Variants in TOX observed in about 807,000 individuals in gnomAD.
TOX encodes the protein thymocyte selection associated high mobility group box, also known as thymocyte selection-associated high mobility group box protein TOX.
Under a neutral mutation model 53.7 loss-of-function variants are expected in TOX, and 11 were observed. That is an observed-to-expected ratio of 0.20 (90% CI 0.13 to 0.34). The LOEUF is 0.34. TOX is among the 10% of genes least tolerant of loss of function. The pLI is 1.00. For missense variants in TOX, 570 were observed against 664.6 expected (o/e 0.86, Z 1.56); for synonymous variants, 225 against 245.3 (o/e 0.92, Z 0.77).
At chr8:58,959,753 A>T (rs1352777151) in intron 2 of TOX, among the ~76,000 whole-genome samples, 190 bp downstream of exon 2, 1 of 152,244 alleles carries the variant, frequency 6.6e-6, no homozygotes, top group Non-Finnish European at 1.5e-5. Flanking sequence ...AGTATCTTTC[A>T]ACAAATGCCA....
chr8:59,066,143 T>G lies in TOX; in HGVS notation c.102+52743A>C, dbSNP rs59393805. 1.5e-3 allele frequency among the ~76,000 whole-genome samples: 229 copies of G among 152,362 alleles called. 3 individuals carry two copies. The East Asian group carries it at 0.039, about 26-fold the overall frequency. On this transcript the variant is annotated intron_variant, in intron 1 of 8. Coordinates refer to ENST00000361421, the MANE Select transcript of TOX (RefSeq NM_014729.3). ...CTCTTCCTTCTTGGATATTGCTGAATGCTGGTCTTGTGAACAGTAAAAAGC... is the reference window on the plus strand; with the variant it reads ...CTCTTCCTTCTTGGATATTGCTGAAGGCTGGTCTTGTGAACAGTAAAAAGC...
intron 3 of TOX, among the ~76,000 whole-genome samples, chr8:58,910,187 G>A (rs182929721): frequency 6.6e-5 from 10 of 152,220 alleles, no homozygotes; most frequent in South Asian, 2.1e-4. Flanking sequence ...TATGCAAATC[G>A]TAAAAATATA....
chr8:58,973,764 G>A (rs180861218), intron 1 of TOX, among the ~76,000 whole-genome samples: 4 of 151,720 alleles, frequency 2.6e-5, no homozygotes, highest in African/African-American at 9.7e-5. Flanking sequence ...TATCACGAGG[G>A]ATACACAGTG....
intron 4 of TOX, among the ~76,000 whole-genome samples, chr8:58,846,667 T>C (rs1345438262): frequency 2.0e-5 from 3 of 152,158 alleles, no homozygotes; most frequent in Non-Finnish European, 4.4e-5. Context: ...TAACAAACTC[T>C]TAAAGGCAAA....
intron 3 of TOX, among the ~76,000 whole-genome samples, chr8:58,861,830 T>C (rs758985047): frequency 1.3e-5 from 2 of 152,148 alleles, no homozygotes; most frequent in African/African-American, 2.4e-5. Context: ...CTTGCAAAAA[T>C]AGAGATGTCA....
chr8:59,095,230 C>T (rs1804694996), intron 1 of TOX, among the ~76,000 whole-genome samples: 1 of 151,668 alleles, frequency 6.6e-6, no homozygotes, highest in Non-Finnish European at 1.5e-5. Context: ...GTAATATTCG[C>T]TCTAAAAGAG....
intron 6 of TOX, among the ~76,000 whole-genome samples, chr8:58,824,804 G>T (rs1038723310): frequency 3.3e-5 from 5 of 152,166 alleles, no homozygotes; most frequent in African/African-American, 9.7e-5. Flanking sequence ...CATTCTCTGA[G>T]CCTGGCATAG....
At chr8:59,105,826 G>T (rs1228333938) in intron 1 of TOX, among the ~76,000 whole-genome samples, 1 of 152,068 alleles carries the variant, frequency 6.6e-6, no homozygotes, top group Non-Finnish European at 1.5e-5. Context: ...TAAAATGAAA[G>T]CTTATGTATG....
intron 5 of TOX, among the ~76,000 whole-genome samples, chr8:58,835,196 T>C (rs1371696533): frequency 3.3e-5 from 5 of 152,166 alleles, no homozygotes; most frequent in Non-Finnish European, 7.4e-5. Flanking sequence ...CCTATTTTCA[T>C]TGAGAGACAA....
rs548537244 is a variant in TOX at position 58,879,599 on chromosome 8, A to G, written c.412-27794T>C. ...ATATGCCAAGAGCACTGAGCCATGT[A>G]ATCTAGCCATCTAATAAATTCTTTA... On this transcript the variant is annotated intron_variant, in intron 3 of 8. Transcript: ENST00000361421. Among the ~76,000 whole-genome samples, 15 of 152,342 alleles carry G rather than the reference A, an allele frequency of 9.8e-5. No homozygotes were observed. The East Asian group carries it at 2.9e-3, about 29-fold the overall frequency.
intron 1 of TOX, among the ~76,000 whole-genome samples, chr8:59,066,696 AAACTG>A (rs1804100165): frequency 6.6e-6 from 1 of 152,192 alleles, no homozygotes; most frequent in African/African-American, 2.4e-5. Flanking sequence ...GTGTAATATT[AAACTG>A]AACTGTAGTA....
At chr8:59,002,032 C>T (rs1425031033) in intron 1 of TOX, among the ~76,000 whole-genome samples, 1 of 142,046 alleles carries the variant, frequency 7.0e-6, no homozygotes, top group African/African-American at 2.7e-5. Flanking sequence ...TGGGGTGCAA[C>T]GGCACAATGT....
At chr8:58,847,690 A>T (rs1284425133) in intron 4 of TOX, among the ~76,000 whole-genome samples, 1 of 152,084 alleles carries the variant, frequency 6.6e-6, no homozygotes, top group Non-Finnish European at 1.5e-5. Context: ...ATGCAAAGAA[A>T]CCCACACATA....
At chr8:58,836,779 C>G (rs1361671856) in intron 5 of TOX, among the ~76,000 whole-genome samples, 1 of 152,192 alleles carries the variant, frequency 6.6e-6, no homozygotes, top group South Asian at 2.1e-4. Context: ...AAGTTTTATT[C>G]ATGGTAATTC....
intron 1 of TOX, among the ~76,000 whole-genome samples, chr8:59,095,566 C>A (rs997499121): frequency 1.3e-5 from 2 of 152,018 alleles, no homozygotes; most frequent in African/African-American, 4.8e-5. Context: ...ACCACCATGC[C>A]CGGCTAATTT....
At position 59,117,684 on chromosome 8, in the gene TOX, C is replaced by G. The variant is rs1480668278; in HGVS notation, c.102+1202G>C. Among the ~76,000 whole-genome samples the G allele has an allele frequency of 6.6e-6, 1 of 152,202 alleles. No homozygotes were observed. Among genetic ancestry groups the G allele is most frequent in the Non-Finnish European group, 1.5e-5 (1 of 68,026 alleles). On this transcript the variant is annotated intron_variant, in intron 1 of 8. Transcript: ENST00000361421. This position sits in a 1 kb window ranked among gnomAD's most constrained non-coding sequence, Gnocchi z 4.6. ...CGTTTGGTGATGACTCGCCACCAGG[C>G]AAATGTTGGGAGTCCCAACGATTTT...
intron 1 of TOX, among the ~76,000 whole-genome samples, chr8:59,081,638 A>G (rs1375621771): frequency 2.0e-5 from 3 of 152,220 alleles, no homozygotes. Flanking sequence ...TAAGAAAAGT[A>G]GAATAAAACA....
intron 5 of TOX, among the ~76,000 whole-genome samples, chr8:58,832,789 T>C (rs1419746293): frequency 6.6e-6 from 1 of 152,146 alleles, no homozygotes; most frequent in African/African-American, 2.4e-5. Context: ...TGCCCTTATA[T>C]AAACACATTA....
At chr8:58,873,650 C>CA (rs1484014573) in intron 3 of TOX, among the ~76,000 whole-genome samples, 6 of 152,110 alleles carry the variant, frequency 3.9e-5, no homozygotes, top group Admixed American at 3.9e-4. Context: ...AATCAAAGTG[C>CA]AGCTAAGAAT....
Sources: gnomAD v4.1 joint callset for allele counts (sites outside exome capture counted in the v4.1 genomes callset) on GRCh38, gnomAD v4.1.1 for gene constraint, Gnocchi (gnomAD v3.1) non-coding constraint, MANE v1.5 for transcripts, NCBI Gene and HGNC (gene_info 2026-07-23, HGNC 2026-07-21) for gene names.